Variants in KIAA1328 observed in about 807,000 individuals in gnomAD.
KIAA1328 encodes the protein protein hinderin.
KIAA1328 carries 52 observed loss-of-function variants against 68.1 expected under a neutral mutation model. That is an observed-to-expected ratio of 0.76 (90% CI 0.61 to 0.96). The LOEUF (loss-of-function observed/expected upper bound fraction) is 0.96. KIAA1328 is among the 40% of genes least tolerant of loss of function. The pLI, the probability that KIAA1328 is intolerant of heterozygous loss-of-function variation, is 0.00. For synonymous variants in KIAA1328, 232 were observed against 239.4 expected (o/e 0.97, Z 0.28); for missense variants, 641 against 677.6 (o/e 0.95, Z 0.60).
chr18:37,169,187 A>AC (rs1322339737), intron 8 of KIAA1328, among the ~76,000 whole-genome samples: 2 of 146,084 alleles, frequency 1.4e-5, no homozygotes, highest in Non-Finnish European at 3.0e-5. Context: ...TTTTTTTGAG[A>AC]CAGAGTCTGG....
intron 6 of KIAA1328, among the ~76,000 whole-genome samples, chr18:37,027,414 A>G (rs2054629614): frequency 6.6e-6 from 1 of 152,228 alleles, no homozygotes; most frequent in Non-Finnish European, 1.5e-5. Flanking sequence ...TGCCAAGTCA[A>G]TCCTAAAACA....
At chr18:37,147,382 T>G (rs1291362536) in intron 7 of KIAA1328, among the ~76,000 whole-genome samples, 1 of 152,216 alleles carries the variant, frequency 6.6e-6, no homozygotes, top group Non-Finnish European at 1.5e-5. Context: ...ACATTTTGTT[T>G]CTTTTCACGT....
At chr18:37,105,246 T>G (rs1377776923) in intron 7 of KIAA1328, among the ~76,000 whole-genome samples, 2 of 152,104 alleles carry the variant, frequency 1.3e-5, no homozygotes, top group Non-Finnish European at 2.9e-5. Flanking sequence ...CTGACGCCTG[T>G]TATCCCACTA....
chr18:37,110,776 C>A (rs1423719159), intron 7 of KIAA1328, among the ~76,000 whole-genome samples: 1 of 152,136 alleles, frequency 6.6e-6, no homozygotes, highest in Non-Finnish European at 1.5e-5. Context: ...TGTCTGAGAA[C>A]ATGGTTGCAA....
intron 6 of KIAA1328, among the ~76,000 whole-genome samples, chr18:37,046,382 G>A (rs774933028): frequency 5.9e-5 from 9 of 151,978 alleles, no homozygotes; most frequent in Non-Finnish European, 1.0e-4. Flanking sequence ...AAGAATAAAC[G>A]TGAAAGCCTT....
chr18:36,971,305 A>C (rs1292786722), intron 6 of KIAA1328, among the ~76,000 whole-genome samples: 1 of 152,256 alleles, frequency 6.6e-6, no homozygotes, highest in Admixed American at 6.5e-5. Flanking sequence ...TTCAAGATGA[A>C]TTAAAGACTT....
chr18:36,953,425 T>TAGATAG, intron 5 of KIAA1328, among the ~76,000 whole-genome samples: 1 of 149,114 alleles, frequency 6.7e-6, no homozygotes, highest in East Asian at 2.0e-4. Context: ...TAGATAGAGA[T>TAGATAG]AGATAGATAT....
At chr18:37,190,729 A>G (rs140830840) in intron 9 of KIAA1328, among the ~76,000 whole-genome samples, 2 of 152,208 alleles carry the variant, frequency 1.3e-5, no homozygotes, top group East Asian at 3.9e-4. Context: ...CTTTCCTTCA[A>G]TTTATCATTG....
intron 9 of KIAA1328, among the ~76,000 whole-genome samples, chr18:37,209,001 A>C (rs1418691673): frequency 3.9e-5 from 6 of 152,224 alleles, no homozygotes; most frequent in Admixed American, 2.6e-4. Context: ...ACCTAACCTA[A>C]GTACTCTTTA....
intron 7 of KIAA1328, among the ~76,000 whole-genome samples, chr18:37,078,608 A>G (rs1282398436): frequency 2.0e-5 from 3 of 146,886 alleles, no homozygotes; most frequent in African/African-American, 5.0e-5. Flanking sequence ...TCCAGAATCT[A>G]CAATGAACTC....
At chr18:36,987,541 A>T (rs1568257091) in intron 6 of KIAA1328, among the ~76,000 whole-genome samples, 1 of 151,966 alleles carries the variant, frequency 6.6e-6, no homozygotes, top group East Asian at 1.9e-4. Flanking sequence ...GGCTTAGCAG[A>T]CTATATACTG....
chr18:37,218,721 T>C (rs1276152484), intron 9 of KIAA1328, among the ~76,000 whole-genome samples: 1 of 152,220 alleles, frequency 6.6e-6, no homozygotes, highest in Non-Finnish European at 1.5e-5. Flanking sequence ...GTCTAATCTT[T>C]TTTCAAGGTT....
At chr18:37,037,902 C>A (rs1347752785) in intron 6 of KIAA1328, among the ~76,000 whole-genome samples, 1 of 152,096 alleles carries the variant, frequency 6.6e-6, no homozygotes, top group Non-Finnish European at 1.5e-5. Context: ...GAGATTGAGA[C>A]CATCCTGGCT....
chr18:36,974,724 T>G (rs2052390577), intron 6 of KIAA1328, among the ~76,000 whole-genome samples: 1 of 152,234 alleles, frequency 6.6e-6, no homozygotes, highest in African/African-American at 2.4e-5. Flanking sequence ...ATCTCCATAC[T>G]GTTTTCCATA....
chr18:36,955,761 A>C (rs993902335), intron 5 of KIAA1328: 20 of 113,250 alleles, frequency 1.8e-4, no homozygotes, highest in African/African-American at 5.3e-4. Context: ...GGCTCCAAAA[A>C]AGGAGAATCT....
intron 6 of KIAA1328, among the ~76,000 whole-genome samples, chr18:37,007,764 C>T (rs1247176788): frequency 2.0e-5 from 3 of 152,114 alleles, no homozygotes; most frequent in Non-Finnish European, 4.4e-5. Flanking sequence ...GAACTTCCTG[C>T]CAACATGGGA....
At chr18:36,901,655 A>T (rs1333553602) in intron 5 of KIAA1328, among the ~76,000 whole-genome samples, 1 of 151,982 alleles carries the variant, frequency 6.6e-6, no homozygotes, top group African/African-American at 2.4e-5. Flanking sequence ...CTCTTAATGG[A>T]CCTGCAGTGC....
chr18:37,075,221 C>G (rs1409686093), intron 7 of KIAA1328: 1 of 151,800 alleles, frequency 6.6e-6, no homozygotes, highest in Non-Finnish European at 1.5e-5. Flanking sequence ...AATTTCATAT[C>G]CAGCCAAACT....
intron 4 of KIAA1328, among the ~76,000 whole-genome samples, chr18:36,863,835 G>T (rs1251985871): frequency 6.6e-6 from 1 of 152,144 alleles, no homozygotes; most frequent in Non-Finnish European, 1.5e-5. Flanking sequence ...ATAGAAATAT[G>T]ATTGAATTTT....
Sources: allele counts gnomAD v4.1 joint callset (sites outside exome capture counted in the v4.1 genomes callset), GRCh38; gene constraint gnomAD v4.1.1; transcripts MANE v1.5; gene names NCBI Gene and HGNC (gene_info 2026-07-23, HGNC 2026-07-21).